Variants in NTRK2 observed in about 807,000 individuals in gnomAD.
NTRK2 encodes the protein neurotrophic receptor tyrosine kinase 2, also known as BDNF/NT-3 growth factors receptor.
A neutral mutation model predicts 94.5 loss-of-function variants in NTRK2; 13 were observed. The ratio of observed to expected loss-of-function variants is 0.14; its 90% CI spans 0.09 to 0.22. The LOEUF is 0.22. Ranked by LOEUF, NTRK2 falls within the 10% of genes least tolerant of loss-of-function variation. The pLI is 1.00. For missense variants in NTRK2, 639 were observed against 1,071.2 expected (o/e 0.60, Z 5.63); for synonymous variants, 372 against 407.4 (o/e 0.91, Z 1.05).
intron 12 of NTRK2, among the ~76,000 whole-genome samples, chr9:84,838,316 G>A (rs1412124913): frequency 6.6e-6 from 1 of 152,050 alleles, no homozygotes; most frequent in Non-Finnish European, 1.5e-5. Flanking sequence ...CAAAAAAAAG[G>A]AAAAAGAAAA....
chr9:84,898,299 G>A (rs2076820097), intron 14 of NTRK2, among the ~76,000 whole-genome samples: 1 of 152,102 alleles, frequency 6.6e-6, no homozygotes, highest in Admixed American at 6.5e-5. Context: ...GCTATTAGTG[G>A]TTTTTCAAGT....
intron 14 of NTRK2, among the ~76,000 whole-genome samples, chr9:84,871,299 A>T (rs780345869): frequency 6.6e-5 from 10 of 152,178 alleles, no homozygotes; most frequent in Non-Finnish European, 1.3e-4. Context: ...TGGTATTGAC[A>T]GATACTATAA....
chr9:84,781,676 C>T (rs1588557562), intron 12 of NTRK2, among the ~76,000 whole-genome samples: 1 of 152,114 alleles, frequency 6.6e-6, no homozygotes, highest in East Asian at 1.9e-4. Flanking sequence ...CCACAGACAA[C>T]AAGAACAAGC....
intron 12 of NTRK2, chr9:84,813,243 C>T: frequency 9.5e-7 from 1 of 1,048,408 alleles, no homozygotes; most frequent in Non-Finnish European, 1.2e-6. Flanking sequence ...CCAGAGGGGC[C>T]ACTGTCCCCA....
At chr9:84,944,787 T>G (rs2078538409) in intron 15 of NTRK2, among the ~76,000 whole-genome samples, 1 of 152,200 alleles carries the variant, frequency 6.6e-6, no homozygotes, top group Admixed American at 6.5e-5. Context: ...CTTCTTGGAT[T>G]CTTACGTGAG....
chr9:84,703,169 A>G (rs1262561806), intron 4 of NTRK2, among the ~76,000 whole-genome samples: 1 of 152,200 alleles, frequency 6.6e-6, no homozygotes, highest in Non-Finnish European at 1.5e-5. Context: ...TTGTACTCCC[A>G]TCCCCTGAGT....
intron 12 of NTRK2, among the ~76,000 whole-genome samples, chr9:84,785,226 C>T (rs2068005720): frequency 6.6e-6 from 1 of 152,182 alleles, no homozygotes; most frequent in South Asian, 2.1e-4. Flanking sequence ...TCCTCCCACC[C>T]TCCATCACAC....
intron 12 of NTRK2, among the ~76,000 whole-genome samples, chr9:84,830,163 C>G (rs187221144): frequency 3.5e-4 from 53 of 152,202 alleles, no homozygotes; most frequent in Middle Eastern, 3.2e-3. Flanking sequence ...GCTCTGGCAA[C>G]GACAGCAGGT....
intron 17 of NTRK2, among the ~76,000 whole-genome samples, chr9:84,986,362 A>G (rs757185681): frequency 3.9e-5 from 6 of 152,162 alleles, no homozygotes; most frequent in Non-Finnish European, 7.3e-5. Context: ...TCAGGTCATC[A>G]TCATTAGCTA....
intron 14 of NTRK2, among the ~76,000 whole-genome samples, chr9:84,894,376 G>T (rs1447624687): frequency 6.6e-6 from 1 of 152,144 alleles, no homozygotes; most frequent in Non-Finnish European, 1.5e-5. Context: ...GCGTTATTGG[G>T]ACATGGACTG....
At chr9:84,959,562 C>T (rs1043441375) in intron 17 of NTRK2, among the ~76,000 whole-genome samples, 6 of 152,286 alleles carry the variant, frequency 3.9e-5, no homozygotes, top group East Asian at 1.9e-4. Context: ...TGCCTCCAGG[C>T]GTCCACCCTG....
chr9:84,858,783 C>G (rs759284671), intron 12 of NTRK2, among the ~76,000 whole-genome samples: 2 of 151,282 alleles, frequency 1.3e-5, no homozygotes, highest in Non-Finnish European at 2.9e-5. Context: ...TAGTGTTTTT[C>G]TATATTTAAA....
At chr9:84,912,110 C>T (rs371347458) in intron 14 of NTRK2, among the ~76,000 whole-genome samples, 1 of 152,210 alleles carries the variant, frequency 6.6e-6, no homozygotes, top group African/African-American at 2.4e-5. Context: ...AAGGGGCACA[C>T]TCAACATGAT....
chr9:84,852,318 C>T (rs1339467242), intron 12 of NTRK2, among the ~76,000 whole-genome samples: 2 of 152,210 alleles, frequency 1.3e-5, no homozygotes, highest in South Asian at 4.1e-4. Flanking sequence ...GGGAGTCATT[C>T]ATCCAACATT....
In NTRK2 at chr9:84,847,745, CACCTTG is replaced by C. The variant is rs200388447; in HGVS notation, c.1397-13293_1397-13288del. ...TTATTTATGTCTGAGCCATTGGTTC[CACCTTG>C]AATCACATAGGTTGCCTGGGAGTTG... is the stretch of plus-strand genomic sequence containing the variant. On this transcript the variant is annotated intron_variant, in intron 12 of 18. Transcript: ENST00000277120. Among the ~76,000 whole-genome samples, 702 of 152,258 alleles carry C rather than the reference CACCTTG, an allele frequency of 4.6e-3. 13 individuals carry two copies. Among genetic ancestry groups the C allele is most frequent in the Admixed American group, 0.037 (572 of 15,292 alleles).
In NTRK2 at chr9:85,020,071, A is replaced by G. The variant is rs1832650042; in HGVS notation, c.2173-135A>G. ...TTGCTTGAGACTGTGAAGAAGTCAT[A>G]TATCCTTTATGTGTTTATAAACAAT... On this transcript the variant is annotated intron_variant, in intron 17 of 18. Transcript: ENST00000277120. The G allele has an allele frequency of 1.1e-5, 10 of 915,548 alleles. No homozygotes were observed. The South Asian group carries it at 1.4e-4, about 12-fold the overall frequency. 56.7% of individuals were successfully genotyped at this position (915,548 alleles called of 1,614,324 possible).
At chr9:84,876,106 C>T in intron 14 of NTRK2, 1 of 1,035,898 alleles carries the variant, frequency 9.7e-7, no homozygotes, top group Non-Finnish European at 1.2e-6. Flanking sequence ...ATTTTTTAAC[C>T]ATGCCATTGA....
At chr9:84,958,957 T>A (rs1824523936) in intron 17 of NTRK2, among the ~76,000 whole-genome samples, 2 of 152,128 alleles carry the variant, frequency 1.3e-5, no homozygotes, top group South Asian at 4.1e-4. Context: ...CTGCGGTGGC[T>A]AAGTCCCAGA....
At chr9:84,734,515 G>A (rs2132189600) in intron 9 of NTRK2, among the ~76,000 whole-genome samples, 1 of 152,306 alleles carries the variant, frequency 6.6e-6, no homozygotes, top group East Asian at 1.9e-4. Flanking sequence ...ATTTGGCTAT[G>A]TCCCCACACA....
Sources: gnomAD v4.1 joint callset for allele counts (sites outside exome capture counted in the v4.1 genomes callset) on GRCh38, gnomAD v4.1.1 for gene constraint, MANE v1.5 for transcripts, NCBI Gene and HGNC (gene_info 2026-07-23, HGNC 2026-07-21) for gene names.